ZMAT4: variants seen among roughly 807,000 people sequenced by gnomAD.
The protein encoded by ZMAT4 is zinc finger matrin-type 4.
Under a neutral mutation model 28.7 loss-of-function variants are expected in ZMAT4, and 17 were observed. The ratio of observed to expected loss-of-function variants is 0.59; its 90% CI spans 0.41 to 0.89. The LOEUF is 0.89. ZMAT4 is among the 40% of genes least tolerant of loss of function. The probability of loss-of-function intolerance (pLI) is 0.00; values close to 1 mark genes in which losing one functional copy is unlikely to be tolerated. For missense variants in ZMAT4, 240 were observed against 283.8 expected, an observed-to-expected ratio of 0.85 and a Z score of 1.11; for synonymous variants, 117 against 109.2, an observed-to-expected ratio of 1.07 and a Z score of -0.44.
At chr8:40,838,564 A>T (rs1006085116) in intron 1 of ZMAT4, among the ~76,000 whole-genome samples, 2 of 152,022 alleles carry the variant, frequency 1.3e-5, no homozygotes, top group Non-Finnish European at 1.5e-5. Flanking sequence ...TGGGGGTGAT[A>T]CCCTTCTAAT....
chr8:40,840,450 G>C (rs1016968656), intron 1 of ZMAT4, among the ~76,000 whole-genome samples: 1 of 152,134 alleles, frequency 6.6e-6, no homozygotes, highest in South Asian at 2.1e-4. Flanking sequence ...AGAGCCACCC[G>C]GTAGGCACCC....
chr8:40,728,891 A>G (rs918147834), intron 3 of ZMAT4, among the ~76,000 whole-genome samples: 2 of 152,100 alleles, frequency 1.3e-5, no homozygotes, highest in African/African-American at 2.4e-5. Context: ...TTTTCTCACC[A>G]TAGACTAGTT....
chr8:40,687,043 G>A (rs557584626), intron 4 of ZMAT4, among the ~76,000 whole-genome samples: 1 of 152,266 alleles, frequency 6.6e-6, no homozygotes, highest in Admixed American at 6.5e-5. Flanking sequence ...GTAGCTGGTC[G>A]TAAGTTTGCT....
At chr8:40,854,613 C>A (rs1817229677) in intron 1 of ZMAT4, among the ~76,000 whole-genome samples, 1 of 152,180 alleles carries the variant, frequency 6.6e-6, no homozygotes. Flanking sequence ...TGGGTTTCTT[C>A]TTCCACCTCA....
At chr8:40,814,196 T>C (rs1453199096) in intron 2 of ZMAT4, among the ~76,000 whole-genome samples, 1 of 152,204 alleles carries the variant, frequency 6.6e-6, no homozygotes, top group Non-Finnish European at 1.5e-5. Context: ...AATTCTCAAA[T>C]CACAGCAAAC....
chr8:40,880,821 T>G (rs1362159432), intron 1 of ZMAT4, among the ~76,000 whole-genome samples: 3 of 152,166 alleles, frequency 2.0e-5, no homozygotes, highest in African/African-American at 7.2e-5. Context: ...TTCTCTGAAC[T>G]ATAGTAAATT....
chr8:40,724,776 G>T (rs1400646146), intron 3 of ZMAT4, among the ~76,000 whole-genome samples: 1 of 152,166 alleles, frequency 6.6e-6, no homozygotes, highest in Non-Finnish European at 1.5e-5. Flanking sequence ...CCAAGCCTAT[G>T]TGAGATGTGG....
chr8:40,696,566 G>A (rs920423212), intron 4 of ZMAT4, among the ~76,000 whole-genome samples: 1 of 152,142 alleles, frequency 6.6e-6, no homozygotes, highest in Non-Finnish European at 1.5e-5. Context: ...TTCATGATGT[G>A]ATAGACCTCT....
intron 5 of ZMAT4, among the ~76,000 whole-genome samples, chr8:40,641,860 T>C (rs2118766799): frequency 6.6e-6 from 1 of 152,296 alleles, no homozygotes; most frequent in Non-Finnish European, 1.5e-5. Context: ...TATTCTTTTT[T>C]TAAATGACTT....
intron 5 of ZMAT4, among the ~76,000 whole-genome samples, chr8:40,591,339 G>C (rs79633115): frequency 6.6e-6 from 1 of 152,182 alleles, no homozygotes. Flanking sequence ...GCAAGGCCAA[G>C]CCCATAGGTA....
intron 5 of ZMAT4, among the ~76,000 whole-genome samples, chr8:40,601,476 AG>A (rs1379204741): frequency 0.041 from 4,099 of 100,270 alleles, 562 homozygotes; most frequent in Admixed American, 0.12. Flanking sequence ...AAGGAAAGAA[AG>A]AAAGAAAGAA....
chr8:40,578,758 G>A (rs150135046), intron 6 of ZMAT4, among the ~76,000 whole-genome samples: 1 of 152,296 alleles, frequency 6.6e-6, no homozygotes, highest in East Asian at 1.9e-4. Flanking sequence ...AGTTAGAAAT[G>A]AATAACATCT....
In ZMAT4 at chr8:40,586,444, T is replaced by C. The variant is rs1299267177; in HGVS notation, c.578-5183A>G. On this transcript the variant is annotated intron_variant, in intron 5 of 6. Transcript: ENST00000297737. ...TCCAGTTGGAGACAGAAAACAGATA[T>C]AGAAGTAGCAACAATTCAAGGTAGA... Among the ~76,000 whole-genome samples, 4 of 152,234 alleles carry C rather than the reference T, an allele frequency of 2.6e-5. No individual in the cohort carries two copies. In the South Asian group the frequency reaches 8.3e-4, roughly 32 times the overall value.
chr8:40,770,286 C>A (rs1282447419), intron 2 of ZMAT4, among the ~76,000 whole-genome samples: 1 of 152,166 alleles, frequency 6.6e-6, no homozygotes, highest in East Asian at 1.9e-4. Context: ...TGAAAATCTG[C>A]AGACTTCTCA....
intron 1 of ZMAT4, among the ~76,000 whole-genome samples, chr8:40,877,970 T>C (rs993879144): frequency 1.3e-5 from 2 of 152,190 alleles, no homozygotes; most frequent in Non-Finnish European, 2.9e-5. Flanking sequence ...GAAGTCATAA[T>C]TTACATTTGC....
intron 5 of ZMAT4, among the ~76,000 whole-genome samples, chr8:40,667,701 T>G (rs1808480698): frequency 6.6e-6 from 1 of 152,088 alleles, no homozygotes. Flanking sequence ...ATGCTGGAAG[T>G]GCTCTTAAGA....
intron 1 of ZMAT4, among the ~76,000 whole-genome samples, chr8:40,832,971 G>C (rs1466985572): frequency 6.6e-6 from 1 of 152,152 alleles, no homozygotes. Context: ...TACTTTGGTG[G>C]CTGTTGCCTG....
chr8:40,797,541 G>A (rs1048109176), intron 2 of ZMAT4, among the ~76,000 whole-genome samples: 3 of 152,202 alleles, frequency 2.0e-5, no homozygotes, highest in African/African-American at 7.2e-5. Context: ...CAAGACTAAG[G>A]ACGGTGGTAT....
intron 5 of ZMAT4, among the ~76,000 whole-genome samples, chr8:40,592,867 G>T (rs750467394): frequency 5.3e-5 from 8 of 152,188 alleles, no homozygotes; most frequent in Non-Finnish European, 1.2e-4. Context: ...CTTGGACGTG[G>T]TCACTATGGC....
Sources: gnomAD v4.1 joint callset for allele counts (sites outside exome capture counted in the v4.1 genomes callset) on GRCh38, gnomAD v4.1.1 for gene constraint, MANE v1.5 for transcripts, NCBI Gene and HGNC (gene_info 2026-07-23, HGNC 2026-07-21) for gene names.